The following NPFFR1 variants were observed in gnomAD, a reference collection of about 807,000 sequenced individuals.
NPFFR1 encodes G-protein coupled receptor 147.
A neutral mutation model predicts 12.7 loss-of-function variants in NPFFR1; 17 were observed. The observed-to-expected ratio is 1.34, with a 90% CI of 0.92 to 2.01. The LOEUF is 2.01. Among genes scored for constraint, NPFFR1 ranks in the 30% most tolerant of loss-of-function variants. NPFFR1 has a pLI of 0.00. For synonymous variants in NPFFR1, 296 were observed against 264.5 expected (o/e 1.12, Z -1.16); for missense variants, 604 against 606.5 (o/e 1.00, Z 0.04).
chr10:70,258,005 A>G (rs1208604100), intron 3 of NPFFR1, among the ~76,000 whole-genome samples: 1 of 151,930 alleles, frequency 6.6e-6, no homozygotes, highest in East Asian at 1.9e-4. Flanking sequence ...CTCCTACTAC[A>G]TTCCTTTCTG....
At position 70,255,051 on chromosome 10, in the gene NPFFR1, G is replaced by A. The variant is rs1171903664; in HGVS notation, c.1199C>T (p.Pro400Leu). 11 of 1,438,026 alleles carry A rather than the reference G, an allele frequency of 7.6e-6. No individual in the cohort carries two copies. The highest frequency in any genetic ancestry group is 1.5e-5 in the African/African-American group (1 of 66,952). The allele number at this position is 1,438,026 out of a possible 1,614,324, so 89.1% of individuals were successfully genotyped here. ...SSGAPRPGRL[P>L]LRNGRVAHHG... Reference sequence around the variant, plus strand: ...GTGAGCCACCCGCCCATTCCGCAGCGGGAGGCGGCCGGGCCTGGGGGCCCC... The same window carrying A: ...GTGAGCCACCCGCCCATTCCGCAGCAGGAGGCGGCCGGGCCTGGGGGCCCC... The change falls in exon 4 of 4, where the codon CCG (proline) becomes CTG (leucine). Residue 400 changes from proline (P) to leucine (L), a missense_variant. Coordinates refer to ENST00000277942, the MANE Select transcript of NPFFR1 (RefSeq NM_022146.5). The surrounding 1 kb of genome is among the most constrained non-coding windows in gnomAD (Gnocchi z 4.2).
At chr10:70,277,963 C>A (rs1476990000) in intron 1 of NPFFR1, 1 of 519,902 alleles carries the variant, frequency 1.9e-6, no homozygotes, top group East Asian at 5.4e-5. Context: ...AGAGAACCCT[C>A]CAGGCCATTG....
At chr10:70,269,713 G>T (rs1840729676) in intron 1 of NPFFR1, among the ~76,000 whole-genome samples, 1 of 152,058 alleles carries the variant, frequency 6.6e-6, no homozygotes, top group African/African-American at 2.4e-5. Context: ...GTTTCACCAT[G>T]TTGGCCAGGC....
Position 70,250,380 on chromosome 10 carries a change from G to A in NPFFR1, c.*4577C>T, listed in dbSNP as rs57052699. 10,546 of 152,138 alleles carry A rather than the reference G, an allele frequency of 0.069. 540 individuals carry two copies. Among genetic ancestry groups the A allele is most frequent in the African/African-American group, 0.13 (5,351 of 41,482 alleles). The allele number at this position is 152,138 out of a possible 1,614,324, so 9.4% of individuals were successfully genotyped here. ...ACAGACCATGCAACCTACCAATCTC[G>A]ATCCTAGGTATCTACCCAAGAAAAA... On this transcript the variant is annotated 3_prime_UTR_variant, in exon 4 of 4. Transcript: ENST00000277942.
At chr10:70,275,902 T>C (rs1456034330) in intron 1 of NPFFR1, among the ~76,000 whole-genome samples, 1 of 152,196 alleles carries the variant, frequency 6.6e-6, no homozygotes, top group Non-Finnish European at 1.5e-5. Context: ...AGAGACTTGC[T>C]CTAAGAATAC....
rs1040385303 is a variant in NPFFR1 at position 70,255,668 on chromosome 10, G to A, written c.582C>T (p.Arg194=). 9 of 1,600,602 alleles carry A rather than the reference G, an allele frequency of 5.6e-6. No individual in the cohort carries two copies. The highest frequency in any genetic ancestry group is 7.7e-6 in the Non-Finnish European group (9 of 1,174,072). Residue 194 remains arginine, a synonymous_variant, in exon 4 of 4, where the codon CGC becomes CGT. Transcript: ENST00000277942. This position sits in a 1 kb window ranked among gnomAD's most constrained non-coding sequence, Gnocchi z 4.2. The part of the protein sequence containing the change: ...REEHHFMVDA[R]NRSYPLYSCW... ...AGGAGTAGAGCGGGTAGGAGCGGTT[G>A]CGGGCGTCCACCATGAAGTGGTGCT... is the stretch of plus-strand genomic sequence containing the variant.
chr10:70,255,662 G>T lies in NPFFR1; in HGVS notation c.588C>A (p.Arg196=), dbSNP rs1840561210. The T allele has an allele frequency of 3.1e-6, 5 of 1,598,222 alleles. No individual in the cohort carries two copies. The African/African-American group carries it at 5.4e-5, about 17-fold the overall frequency. The part of the protein sequence containing the change: ...EHHFMVDARN[R]SYPLYSCWEA... ...CCCAGCAGGAGTAGAGCGGGTAGGA[G>T]CGGTTGCGGGCGTCCACCATGAAGT... The change falls in exon 4 of 4, where the codon CGC becomes CGA. Residue 196 remains arginine (R), a synonymous_variant. Transcript: ENST00000277942. The surrounding 1 kb of genome is among the most constrained non-coding windows in gnomAD (Gnocchi z 4.2).
chr10:70,282,640 A>T (rs1354406724), intron 1 of NPFFR1, among the ~76,000 whole-genome samples: 1 of 152,176 alleles, frequency 6.6e-6, no homozygotes, highest in Non-Finnish European at 1.5e-5. Flanking sequence ...GTTGTACAAC[A>T]TATCTTATTT....
At chr10:70,266,873 TAGCCAC>T (rs998453112) in intron 1 of NPFFR1, among the ~76,000 whole-genome samples, 40 of 152,324 alleles carry the variant, frequency 2.6e-4, no homozygotes, top group African/African-American at 9.1e-4. Flanking sequence ...TTTTTCCCTA[TAGCCAC>T]AGCCTGCTCC....
chr10:70,260,586 C>T (rs910028434), intron 3 of NPFFR1, 54 bp downstream of exon 3: 1 of 1,475,412 alleles, frequency 6.8e-7, no homozygotes, highest in Non-Finnish European at 9.3e-7. Flanking sequence ...AGTGGCTCCT[C>T]TTAATGCCAG....
intron 2 of NPFFR1, among the ~76,000 whole-genome samples, chr10:70,265,498 AAGGG>A (rs1436022242): frequency 6.6e-6 from 1 of 152,204 alleles, no homozygotes; most frequent in Non-Finnish European, 1.5e-5. Flanking sequence ...TAGACACTCC[AAGGG>A]ACAGAGAGCT....
Position 70,254,968 on chromosome 10 carries a change from A to G in NPFFR1, c.1282T>C (p.Trp428Arg). The G allele has an allele frequency of 7.0e-7, 1 of 1,428,876 alleles. No individual in the cohort carries two copies. The highest frequency in any genetic ancestry group is 9.1e-7 in the Non-Finnish European group (1 of 1,098,032). 88.5% of individuals were successfully genotyped at this position (1,428,876 alleles called of 1,614,324 possible). A position where few individuals can be genotyped will look rare whatever the true frequency, so the allele number is the denominator to read the frequency against. ...CTCCCTGGACCCCCTCAGATATCCC[A>G]GGCTGGAATGGTGAGGGGCAGGTGG... is the stretch of plus-strand genomic sequence containing the variant. Reference protein sequence around the residue: ...CSHLPLTIPAWDI With the variant: ...CSHLPLTIPARDI The change falls in exon 4 of 4, where the codon TGG becomes CGG. Residue 428 changes from tryptophan (W) to arginine (R), a missense_variant. By Grantham distance (101) the Trp-to-Arg change is moderately radical. Transcript: ENST00000277942.
rs765790636 is a variant in NPFFR1, at chr10:70,255,206, G to C, written c.1044C>G (p.Leu348=). The part of the protein sequence containing the change: ...RGFQAAFRAR[L]CPRPSGSHKE... Reference sequence around the variant, plus strand: ...TGTGGCTCCCCGACGGGCGCGGGCAGAGGCGGGCGCGGAAGGCGGCCTGGA... The same window carrying C: ...TGTGGCTCCCCGACGGGCGCGGGCACAGGCGGGCGCGGAAGGCGGCCTGGA... The change falls in exon 4 of 4, where the codon CTC becomes CTG. Residue 348 remains leucine (L), a synonymous_variant. Transcript: ENST00000277942. This position sits in a 1 kb window ranked among gnomAD's most constrained non-coding sequence, Gnocchi z 4.2. 3.2e-6 allele frequency: 5 copies of C among 1,549,704 alleles called. No homozygotes were observed. In the South Asian group the frequency reaches 4.7e-5, roughly 15 times the overall value.
At chr10:70,267,054 T>C (rs1039833514) in intron 1 of NPFFR1, among the ~76,000 whole-genome samples, 2 of 152,232 alleles carry the variant, frequency 1.3e-5, no homozygotes, top group Non-Finnish European at 2.9e-5. Flanking sequence ...TTAAACTCTG[T>C]TCAGTTAAAC....
At position 70,255,068 on chromosome 10, in the gene NPFFR1, G is replaced by A. The variant is rs1840546932; in HGVS notation, c.1182C>T (p.Pro394=). The A allele has an allele frequency of 6.9e-7, 1 of 1,441,570 alleles. No homozygotes were observed. The highest frequency in any genetic ancestry group is 9.1e-7 in the Non-Finnish European group (1 of 1,104,548). 89.3% of individuals were successfully genotyped at this position (1,441,570 alleles called of 1,614,324 possible). Reference sequence around the variant, plus strand: ...TCCGCAGCGGGAGGCGGCCGGGCCTGGGGGCCCCACTGCTAGGGCCCGACT... The same window carrying A: ...TCCGCAGCGGGAGGCGGCCGGGCCTAGGGGCCCCACTGCTAGGGCCCGACT... The part of the protein sequence containing the change: ...PSESGPSSGA[P]RPGRLPLRNG... Residue 394 remains proline (P), a synonymous_variant, in exon 4 of 4, where the codon CCC becomes CCT. Transcript: ENST00000277942. The surrounding 1 kb of genome is among the most constrained non-coding windows in gnomAD (Gnocchi z 4.2).
At chr10:70,256,208 A>G (rs543589906) in intron 3 of NPFFR1, among the ~76,000 whole-genome samples, 1 of 151,828 alleles carries the variant, frequency 6.6e-6, no homozygotes, top group South Asian at 2.1e-4. Flanking sequence ...CCTCCTGAGT[A>G]GCTGGAACCA....
chr10:70,265,474 G>A (rs556937006), intron 2 of NPFFR1, among the ~76,000 whole-genome samples: 32 of 152,272 alleles, frequency 2.1e-4, no homozygotes, highest in South Asian at 1.0e-3. Context: ...CTGAGTGGCC[G>A]GCCAGTCCCT....
At chr10:70,261,129 C>G (rs991665642) in intron 2 of NPFFR1, among the ~76,000 whole-genome samples, 1 of 152,060 alleles carries the variant, frequency 6.6e-6, no homozygotes, top group Non-Finnish European at 1.5e-5. Context: ...CCCATAATCC[C>G]CACGAGTCAT....
rs1589911335 is a variant in NPFFR1, at chr10:70,262,775, G to C, written c.323-2036C>G. 2.6e-5 allele frequency among the ~76,000 whole-genome samples: 4 copies of C among 152,260 alleles called. No individual in the cohort carries two copies. The East Asian group carries it at 7.7e-4, about 29-fold the overall frequency. ...AAAGATATGTGTGTTAAATATTTCTGTTAGTATACGTATATTTCCTAGCTC... is the reference window on the plus strand; with the variant it reads ...AAAGATATGTGTGTTAAATATTTCTCTTAGTATACGTATATTTCCTAGCTC... On this transcript the variant is annotated intron_variant, in intron 2 of 3. Transcript: ENST00000277942.
Sources: allele counts gnomAD v4.1 joint callset (sites outside exome capture counted in the v4.1 genomes callset), GRCh38; gene constraint gnomAD v4.1.1; non-coding constraint Gnocchi (gnomAD v3.1); transcripts MANE v1.5; gene names NCBI Gene and HGNC (gene_info 2026-07-23, HGNC 2026-07-21).